Variants in BBS9 observed in about 807,000 individuals in gnomAD.
BBS9 encodes the protein Bardet-Biedl syndrome 9.
Under a neutral mutation model 117.7 loss-of-function variants are expected in BBS9, and 89 were observed. That is an observed-to-expected ratio of 0.76 (90% CI 0.64 to 0.90). BBS9 has a LOEUF of 0.90. Among genes scored for constraint, BBS9 ranks in the 40% least tolerant of loss-of-function variants. The pLI, the probability that BBS9 is intolerant of heterozygous loss-of-function variation, is 0.00. For missense variants in BBS9, 982 were observed against 1,042.2 expected (o/e 0.94, Z 0.80); for synonymous variants, 379 against 370.9 (o/e 1.02, Z -0.25).
chr7:33,610,530 T>C (rs1478230411), downstream of BBS9, among the ~76,000 whole-genome samples: 3 of 151,580 alleles, frequency 2.0e-5, no homozygotes, highest in African/African-American at 7.3e-5. Flanking sequence ...AAAGAGGGAG[T>C]AGGGGGCAAA....
intron 19 of BBS9, among the ~76,000 whole-genome samples, chr7:33,433,464 C>A (rs1302803986): frequency 6.6e-6 from 1 of 152,186 alleles, no homozygotes; most frequent in East Asian, 1.9e-4. Context: ...CTAGACTGTA[C>A]TTGCATTTGA....
chr7:33,547,138 T>C (rs1853529143), intron 21 of BBS9, among the ~76,000 whole-genome samples: 1 of 152,110 alleles, frequency 6.6e-6, no homozygotes, highest in Non-Finnish European at 1.5e-5. Flanking sequence ...AGAGCTATAG[T>C]TGGGGGCAAG....
At chr7:33,295,006 G>A (rs1804963961) in intron 9 of BBS9, among the ~76,000 whole-genome samples, 1 of 152,028 alleles carries the variant, frequency 6.6e-6, no homozygotes, top group African/African-American at 2.4e-5. Flanking sequence ...CTTTTATTTA[G>A]GCATTTTATT....
intron 21 of BBS9, among the ~76,000 whole-genome samples, chr7:33,617,558 G>A (rs1269901851): frequency 6.6e-6 from 1 of 152,122 alleles, no homozygotes; most frequent in Non-Finnish European, 1.5e-5. Context: ...TAAAGAAATG[G>A]AGCTTTATTG....
intron 21 of BBS9, among the ~76,000 whole-genome samples, chr7:33,615,269 A>G (rs958189819): frequency 3.9e-5 from 6 of 152,096 alleles, no homozygotes; most frequent in Non-Finnish European, 8.8e-5. Flanking sequence ...TCAGAACCAG[A>G]GTCAGATATG....
At chr7:33,143,050 A>G (rs1489223563) in intron 1 of BBS9, among the ~76,000 whole-genome samples, 1 of 151,982 alleles carries the variant, frequency 6.6e-6, no homozygotes, top group Admixed American at 6.6e-5. Context: ...GCTCACTGCA[A>G]CCTCTGCCTC....
At chr7:33,270,408 TA>T (rs1181505346) in intron 7 of BBS9, among the ~76,000 whole-genome samples, 2 of 151,992 alleles carry the variant, frequency 1.3e-5, no homozygotes, top group Non-Finnish European at 2.9e-5. Flanking sequence ...GGACAGGAAA[TA>T]AAGACCATTG....
In BBS9 at chr7:33,234,589, T is replaced by A. The variant is rs368006754; in HGVS notation, c.443-22647T>A. Among the ~76,000 whole-genome samples, 354 of 152,184 alleles carry A rather than the reference T, an allele frequency of 2.3e-3. 4 individuals carry two copies. The South Asian group carries it at 0.039, about 17-fold the overall frequency. On this transcript the variant is annotated intron_variant, in intron 5 of 22. Transcript: ENST00000242067. ...ACATTAGATCTTCAGAAGCTATTCA[T>A]CTTGCATAGCTGAAACTTTGTCCCC...
chr7:33,258,147 G>A (rs1797392522), intron 6 of BBS9, among the ~76,000 whole-genome samples: 1 of 152,154 alleles, frequency 6.6e-6, no homozygotes, highest in Non-Finnish European at 1.5e-5. Context: ...TTCATGCTGG[G>A]AAAAGAAATA....
At chr7:33,147,162 C>T (rs1792536264) in intron 2 of BBS9, among the ~76,000 whole-genome samples, 1 of 152,076 alleles carries the variant, frequency 6.6e-6, no homozygotes, top group African/African-American at 2.4e-5. Flanking sequence ...TATTCTTATG[C>T]ATCTTCATGT....
intron 5 of BBS9, among the ~76,000 whole-genome samples, chr7:33,208,177 C>G (rs1272787725): frequency 6.6e-6 from 1 of 152,118 alleles, no homozygotes; most frequent in Non-Finnish European, 1.5e-5. Flanking sequence ...CTACATAATT[C>G]TTTTTTGCCA....
At chr7:33,472,011 CA>C (rs11285568) in intron 19 of BBS9, among the ~76,000 whole-genome samples, 23,300 of 152,048 alleles carry the variant, frequency 0.15, 2,462 homozygotes, top group East Asian at 0.47. Context: ...TTTCTTAGGG[CA>C]AAAAAAACCC....
At chr7:33,542,595 C>T (rs1852507258) in intron 21 of BBS9, among the ~76,000 whole-genome samples, 1 of 152,080 alleles carries the variant, frequency 6.6e-6, no homozygotes, top group Non-Finnish European at 1.5e-5. Flanking sequence ...GTTTTCCATT[C>T]CTGAGTTACA....
chr7:33,351,521 A>G (rs1818649791), intron 14 of BBS9, 198 bp downstream of exon 14: 3 of 597,380 alleles, frequency 5.0e-6, no homozygotes, highest in Admixed American at 2.5e-5. Context: ...TGATTTCCAT[A>G]TGTAATGTTT....
chr7:33,202,401 G>A (rs1318428994), intron 5 of BBS9, among the ~76,000 whole-genome samples: 1 of 152,096 alleles, frequency 6.6e-6, no homozygotes, highest in African/African-American at 2.4e-5. Context: ...TAGGAAGCCT[G>A]GTTTATCTTG....
chr7:33,183,166 C>A (rs1256190618), intron 5 of BBS9, among the ~76,000 whole-genome samples: 1 of 152,074 alleles, frequency 6.6e-6, no homozygotes, highest in African/African-American at 2.4e-5. Flanking sequence ...ATTTTCAATT[C>A]TTAGGGTTCC....
intron 9 of BBS9, among the ~76,000 whole-genome samples, chr7:33,290,647 T>C (rs963504547): frequency 1.3e-5 from 2 of 152,314 alleles, no homozygotes; most frequent in South Asian, 2.1e-4. Context: ...TTTAAAAAAT[T>C]TTTTAGTGTG....
At position 33,563,562 on chromosome 7, in the gene BBS9, A is replaced by C. The variant is rs951411540; in HGVS notation, c.2521+29386A>C. Among the ~76,000 whole-genome samples, 3 of 152,224 alleles carry C rather than the reference A, an allele frequency of 2.0e-5. No individual in the cohort carries two copies. In the South Asian group the frequency reaches 6.2e-4, roughly 31 times the overall value. On this transcript the variant is annotated intron_variant, in intron 21 of 22. Coordinates refer to ENST00000242067, the MANE Select transcript of BBS9 (RefSeq NM_198428.3). ...ATGGCCTATTGTACAACTACTCTCTATCTTAGCATGAAGATAGTGTGGTGC... is the reference window on the plus strand; with the variant it reads ...ATGGCCTATTGTACAACTACTCTCTCTCTTAGCATGAAGATAGTGTGGTGC...
chr7:33,527,738 G>A (rs1849855614), intron 20 of BBS9, among the ~76,000 whole-genome samples: 1 of 152,318 alleles, frequency 6.6e-6, no homozygotes, highest in Admixed American at 6.5e-5. Flanking sequence ...GCTGTAGACC[G>A]GAGCTGTTTC....
Sources: gnomAD v4.1 joint callset for allele counts (sites outside exome capture counted in the v4.1 genomes callset) on GRCh38, gnomAD v4.1.1 for gene constraint, MANE v1.5 for transcripts, NCBI Gene and HGNC (gene_info 2026-07-23, HGNC 2026-07-21) for gene names.